The following POLGARF variants were observed in gnomAD, a reference collection of about 807,000 sequenced individuals.
The protein encoded by POLGARF is POLG alternative reading frame.
At chr15:89,332,643 A>C in the POLGARF span, among the ~76,000 whole-genome samples, 2 of 151,384 alleles carry the variant, frequency 1.3e-5, no homozygotes, top group African/African-American at 4.9e-5. Flanking sequence ...GTTTATGGGA[A>C]AGGCTGGGGA....
chr15:89,333,328 C>T, the POLGARF span: 5 of 1,559,488 alleles, frequency 3.2e-6, no homozygotes, highest in Non-Finnish European at 4.3e-6. Flanking sequence ...TGCTTCTGGG[C>T]CAGGAGGCGG....
At chr15:89,333,503 G>C in the POLGARF span, 1 of 1,612,752 alleles carries the variant, frequency 6.2e-7, no homozygotes, top group Non-Finnish European at 8.5e-7. Context: ...AGATTTGCTC[G>C]TGCAGCCCTC....
At chr15:89,333,593 C>T in the POLGARF span, 4 of 1,602,938 alleles carry the variant, frequency 2.5e-6, no homozygotes, top group Admixed American at 3.4e-5. Context: ...GCTGAGGCTG[C>T]TGTTGCTGCT....
chr15:89,332,194 C>T, the POLGARF span: 1 of 152,208 alleles, frequency 6.6e-6, no homozygotes, highest in Non-Finnish European at 1.5e-5. Context: ...TCTAGTTTTG[C>T]TCTTTTCAGC....
chr15:89,333,255 G>T, the POLGARF span: 1 of 1,563,290 alleles, frequency 6.4e-7, no homozygotes, highest in Non-Finnish European at 8.7e-7. Flanking sequence ...GGCCCAAGCC[G>T]GGGGCTTCGG....
the POLGARF span, among the ~76,000 whole-genome samples, chr15:89,331,097 G>A: frequency 3.9e-5 from 6 of 152,222 alleles, no homozygotes; most frequent in Non-Finnish European, 7.3e-5. Context: ...ACGAGGCCAC[G>A]TGTGGACAAC....
At chr15:89,331,484 A>C in the POLGARF span, among the ~76,000 whole-genome samples, 1 of 152,256 alleles carries the variant, frequency 6.6e-6, no homozygotes, top group Non-Finnish European at 1.5e-5. Flanking sequence ...AGTGATTAAA[A>C]AGAAACAAGC....
At chr15:89,331,245 T>C in the POLGARF span, among the ~76,000 whole-genome samples, 1 of 152,038 alleles carries the variant, frequency 6.6e-6, no homozygotes, top group South Asian at 2.1e-4. Context: ...CCTGACAAAA[T>C]CGAACTCATA....
chr15:89,333,588 GGCTGCTGTTGCT>G, the POLGARF span: 30 of 1,604,770 alleles, frequency 1.9e-5, no homozygotes, highest in Non-Finnish European at 2.2e-5. Context: ...CGGCTGCTGA[GGCTGCTGTTGCT>G]GCTGCTGCTG....
the POLGARF span, among the ~76,000 whole-genome samples, chr15:89,331,133 C>A: frequency 8.2e-6 from 1 of 122,002 alleles, no homozygotes; most frequent in Admixed American, 7.7e-5. Context: ...CTCCTTGCAA[C>A]CTTTATGGAA....
the POLGARF span, chr15:89,333,782 A>C: frequency 7.2e-6 from 11 of 1,534,614 alleles, no homozygotes; most frequent in Non-Finnish European, 7.0e-6. Flanking sequence ...CCACGCTGGG[A>C]GTCAGAACAC....
At chr15:89,333,013 G>C in the POLGARF span, 3 of 1,484,690 alleles carry the variant, frequency 2.0e-6, no homozygotes, top group African/African-American at 1.4e-5. Flanking sequence ...GCCCGTAACA[G>C]GACCTCAGAA....
the POLGARF span, chr15:89,333,109 A>T: frequency 5.3e-6 from 8 of 1,518,868 alleles, no homozygotes; most frequent in Non-Finnish European, 7.1e-6. Flanking sequence ...GCCGAGGGGG[A>T]TATGGCCACC....
chr15:89,332,301 T>C, the POLGARF span: 1 of 152,182 alleles, frequency 6.6e-6, no homozygotes, highest in Middle Eastern at 3.2e-3. Flanking sequence ...TAGCTTCCAA[T>C]AGGAATAAAG....
chr15:89,331,476 T>C, the POLGARF span, among the ~76,000 whole-genome samples: 2 of 152,230 alleles, frequency 1.3e-5, no homozygotes, highest in South Asian at 4.1e-4. Context: ...TATAAACTAG[T>C]GATTAAAAAG....
the POLGARF span, chr15:89,333,491 G>C: frequency 1.2e-5 from 20 of 1,612,662 alleles, no homozygotes; most frequent in Admixed American, 1.7e-4. Context: ...CTCCTTGCCC[G>C]AAGATTTGCT....
At chr15:89,333,203 G>A in the POLGARF span, 1 of 1,574,458 alleles carries the variant, frequency 6.4e-7, no homozygotes, top group Non-Finnish European at 8.6e-7. Flanking sequence ...CCACGGGTAC[G>A]GCCTCCCCCT....
At chr15:89,330,324 TCCACTCCACAACAA>T in the POLGARF span, 1 of 1,441,202 alleles carries the variant, frequency 6.9e-7, no homozygotes, top group African/African-American at 1.4e-5. Flanking sequence ...ACATTAAACT[TCCACTCCACAACAA>T]CCACTGCACA....
the POLGARF span, among the ~76,000 whole-genome samples, chr15:89,331,560 C>A: frequency 2.0e-5 from 3 of 152,224 alleles, no homozygotes; most frequent in East Asian, 5.8e-4. Context: ...TAGAAAAATG[C>A]TGATGGCCAG....
Sources: gnomAD v4.1 joint callset for allele counts (sites outside exome capture counted in the v4.1 genomes callset) on GRCh38, gnomAD v4.1.1 for gene constraint, MANE v1.5 for transcripts, NCBI Gene and HGNC (gene_info 2026-07-23, HGNC 2026-07-21) for gene names.